NCAM1: variants seen among roughly 807,000 people sequenced by gnomAD.
The protein encoded by NCAM1 is antigen recognized by monoclonal antibody 5.1H11.
Under a neutral mutation model 109.8 loss-of-function variants are expected in NCAM1, and 14 were observed. The observed-to-expected ratio is 0.13, with a 90% confidence interval of 0.08 to 0.20. NCAM1 has a LOEUF of 0.20. NCAM1 is among the 10% of genes least tolerant of loss of function. The pLI, the probability that NCAM1 is intolerant of heterozygous loss-of-function variation, is 1.00. For synonymous variants in NCAM1, 418 were observed against 442.9 expected, an observed-to-expected ratio of 0.94 and a Z score of 0.70; for missense variants, 774 against 1,109.9, an observed-to-expected ratio of 0.70 and a Z score of 4.30.
At chr11:113,113,317 T>C (rs1258062548) in intron 1 of NCAM1, among the ~76,000 whole-genome samples, 1 of 152,120 alleles carries the variant, frequency 6.6e-6, no homozygotes, top group African/African-American at 2.4e-5. Flanking sequence ...AATTAGATGA[T>C]CAGTAAGTCC....
At chr11:113,185,070 A>ATT (rs1943461930) in intron 1 of NCAM1, among the ~76,000 whole-genome samples, 1 of 133,092 alleles carries the variant, frequency 7.5e-6, no homozygotes, top group South Asian at 2.4e-4. Flanking sequence ...ATTTATATTT[A>ATT]TATATATATA....
intron 1 of NCAM1, among the ~76,000 whole-genome samples, chr11:113,156,543 G>A (rs1424652528): frequency 1.3e-5 from 2 of 152,178 alleles, no homozygotes; most frequent in Admixed American, 6.5e-5. Context: ...TAAAGGGGTG[G>A]CATGAGAAAG....
chr11:113,145,596 C>T (rs782743419), intron 1 of NCAM1, among the ~76,000 whole-genome samples: 1 of 152,182 alleles, frequency 6.6e-6, no homozygotes, highest in Non-Finnish European at 1.5e-5. Context: ...AAACACCTGT[C>T]TATCCGTAGT....
chr11:113,220,048 T>G (rs542270195), intron 8 of NCAM1, among the ~76,000 whole-genome samples: 1 of 152,378 alleles, frequency 6.6e-6, no homozygotes, highest in South Asian at 2.1e-4. Flanking sequence ...CTGGCATCTT[T>G]TCTATCCTTT....
At chr11:113,076,993 G>T (rs1279683940) in intron 1 of NCAM1, among the ~76,000 whole-genome samples, 1 of 152,140 alleles carries the variant, frequency 6.6e-6, no homozygotes, top group Non-Finnish European at 1.5e-5. Flanking sequence ...TTTAATACCT[G>T]ATTATTATAC....
intron 1 of NCAM1, among the ~76,000 whole-genome samples, chr11:113,059,107 A>G (rs1555083080): frequency 6.6e-6 from 1 of 152,228 alleles, no homozygotes; most frequent in East Asian, 1.9e-4. Context: ...CCACTTGCCT[A>G]TGACAAGGTG....
In NCAM1 at chr11:113,176,220, T is replaced by C. The variant is rs551889929; in HGVS notation, c.53-26159T>C. On this transcript the variant is annotated intron_variant, in intron 1 of 19. Transcript: ENST00000316851. ...CCAACTGCACGAACCCCCTGATCTA[T>C]GCCAGGAATGGGGCTGGTCCTAGGG... is the stretch of plus-strand genomic sequence containing the variant. Among the ~76,000 whole-genome samples, 20 of 152,312 alleles carry C rather than the reference T, an allele frequency of 1.3e-4. No homozygotes were observed. In the South Asian group the frequency reaches 3.9e-3, roughly 30 times the overall value.
rs369979570 is a variant in NCAM1, at chr11:112,963,252, C to A, written c.52+1588C>A. ...CCCTGCGGCCGGTCCCCCGCCTGCC[C>A]GGCAGTTTCCGAGGAAATAAAATGG... On this transcript the variant is annotated intron_variant, in intron 1 of 19. Coordinates refer to ENST00000316851, the MANE Select transcript of NCAM1 (RefSeq NM_181351.5). The surrounding 1 kb of genome is among the most constrained non-coding windows in gnomAD (Gnocchi z 4.6). 2 of 152,580 alleles carry A rather than the reference C, an allele frequency of 1.3e-5. No homozygotes were observed. The highest frequency in any genetic ancestry group is 1.9e-4 in the East Asian group (1 of 5,198). 9.5% of individuals were successfully genotyped at this position (152,580 alleles called of 1,614,324 possible).
At chr11:113,149,765 AGC>A (rs1942158683) in intron 1 of NCAM1, among the ~76,000 whole-genome samples, 1 of 152,230 alleles carries the variant, frequency 6.6e-6, no homozygotes, top group Admixed American at 6.5e-5. Flanking sequence ...TTTGTTTCCT[AGC>A]CAGAGAACAA....
At chr11:113,015,340 G>C (rs2135170431) in intron 1 of NCAM1, among the ~76,000 whole-genome samples, 1 of 152,330 alleles carries the variant, frequency 6.6e-6, no homozygotes, top group East Asian at 1.9e-4. Flanking sequence ...CCTTCAGCAA[G>C]AGCTTTGGAC....
chr11:113,043,243 T>C (rs1555080258), intron 1 of NCAM1, among the ~76,000 whole-genome samples: 1 of 152,202 alleles, frequency 6.6e-6, no homozygotes, highest in African/African-American at 2.4e-5. Flanking sequence ...AGGTGTGATA[T>C]GCCTGTGTGG....
At chr11:113,127,721 A>G (rs1396626333) in intron 1 of NCAM1, among the ~76,000 whole-genome samples, 2 of 152,236 alleles carry the variant, frequency 1.3e-5, no homozygotes, top group Admixed American at 6.5e-5. Context: ...AGCTTAAGTG[A>G]TTAGTGCCCA....
intron 1 of NCAM1, among the ~76,000 whole-genome samples, chr11:113,065,802 A>G (rs1342958565): frequency 1.3e-5 from 2 of 152,212 alleles, no homozygotes; most frequent in African/African-American, 4.8e-5. Flanking sequence ...GAAGGGTGGT[A>G]GTGAATAAAA....
intron 1 of NCAM1, among the ~76,000 whole-genome samples, chr11:113,021,972 T>C (rs547537441): frequency 2.8e-4 from 42 of 152,324 alleles, no homozygotes; most frequent in African/African-American, 7.2e-4. Flanking sequence ...CAGCTCATCA[T>C]TGAAATGCTA....
chr11:113,085,915 A>G (rs1029721342), intron 1 of NCAM1, among the ~76,000 whole-genome samples: 4 of 152,152 alleles, frequency 2.6e-5, no homozygotes, highest in African/African-American at 9.7e-5. Flanking sequence ...GGTTATGCCA[A>G]CCTCCCTAAT....
At position 112,962,580 on chromosome 11, in the gene NCAM1, AGT is replaced by A. The variant is rs1217381954; in HGVS notation, c.52+920_52+921del. On this transcript the variant is annotated intron_variant, in intron 1 of 19. Coordinates refer to ENST00000316851, the MANE Select transcript of NCAM1 (RefSeq NM_181351.5). The surrounding 1 kb of genome is among the most constrained non-coding windows in gnomAD (Gnocchi z 5.6). ...TGGGCGAGGTTCCCGATCCTGGCAAAGTGTGAACAATAGGGAGCTGGGAGGAA... is the reference window on the plus strand; with the variant it reads ...TGGGCGAGGTTCCCGATCCTGGCAAAGTGAACAATAGGGAGCTGGGAGGAA... Among the ~76,000 whole-genome samples the A allele has an allele frequency of 9.2e-5, 14 of 152,060 alleles. No homozygotes were observed. Among genetic ancestry groups the A allele is most frequent in the African/African-American group, 3.4e-4 (14 of 41,406 alleles).
chr11:112,977,792 A>T (rs1030630276), intron 1 of NCAM1, among the ~76,000 whole-genome samples: 1 of 151,906 alleles, frequency 6.6e-6, no homozygotes, highest in African/African-American at 2.4e-5. Context: ...GGTTCTTCAC[A>T]TCCTACTAAA....
chr11:112,961,792 T>A, intron 1 of NCAM1, 128 bp downstream of exon 1: 4 of 679,494 alleles, frequency 5.9e-6, no homozygotes, highest in Non-Finnish European at 1.0e-5. Context: ...TTCGTTTAGC[T>A]GTGAAAGGAG....
intron 1 of NCAM1, among the ~76,000 whole-genome samples, chr11:113,197,993 A>G (rs782595163): frequency 3.9e-5 from 6 of 152,204 alleles, no homozygotes; most frequent in Non-Finnish European, 8.8e-5. Flanking sequence ...GCCATTTGCT[A>G]AAAGAGTTGG....
Sources: gnomAD v4.1 joint callset for allele counts (sites outside exome capture counted in the v4.1 genomes callset) on GRCh38, gnomAD v4.1.1 for gene constraint, Gnocchi (gnomAD v3.1) non-coding constraint, MANE v1.5 for transcripts, NCBI Gene and HGNC (gene_info 2026-07-23, HGNC 2026-07-21) for gene names.